The following NRXN1 variants were observed in gnomAD, a reference collection of about 807,000 sequenced individuals.
NRXN1 encodes neurexin 1, also known as neurexin-1.
A neutral mutation model predicts 150.9 loss-of-function variants in NRXN1; 39 were observed. That is an observed-to-expected ratio of 0.26 (90% CI 0.20 to 0.34). The LOEUF (loss-of-function observed/expected upper bound fraction) is 0.34, where lower values mean the gene tolerates loss of function less well. Among genes scored for constraint, NRXN1 ranks in the 10% least tolerant of loss-of-function variants. The pLI, the probability that NRXN1 is intolerant of heterozygous loss-of-function variation, is 1.00. For synonymous variants in NRXN1, 924 were observed against 757.0 expected, an observed-to-expected ratio of 1.22 and a Z score of -3.62; for missense variants, 1,815 against 1,949.9, an observed-to-expected ratio of 0.93 and a Z score of 1.30.
In NRXN1 at chr2:50,436,251, C is replaced by T. The variant is rs761953307; in HGVS notation, c.3364+29191G>A. 1.9e-4 allele frequency among the ~76,000 whole-genome samples: 29 copies of T among 151,970 alleles called. 1 individual carries two copies. The highest frequency in any genetic ancestry group is 1.2e-3 in the Admixed American group (19 of 15,250). ...GGCAGATCACCAGAGGTCGGGAGTT[C>T]GACACCAGCCTGACCAACATGGAAA... is the stretch of plus-strand genomic sequence containing the variant. On this transcript the variant is annotated intron_variant, in intron 17 of 22. Transcript: ENST00000401669.
chr2:50,625,905 T>TAAAACA (rs891303586), intron 5 of NRXN1, among the ~76,000 whole-genome samples: 1 of 152,034 alleles, frequency 6.6e-6, no homozygotes, highest in African/African-American at 2.4e-5. Flanking sequence ...ATAAATCATC[T>TAAAACA]AAAACAAACA....
intron 2 of NRXN1, among the ~76,000 whole-genome samples, chr2:50,946,866 C>A (rs1690474876): frequency 6.6e-6 from 1 of 152,088 alleles, no homozygotes; most frequent in African/African-American, 2.4e-5. Context: ...CTATTAAATC[C>A]AAACATTTGT....
chr2:50,116,878 C>A (rs529533472), intron 18 of NRXN1, among the ~76,000 whole-genome samples: 1 of 152,084 alleles, frequency 6.6e-6, no homozygotes, highest in Admixed American at 6.6e-5. Flanking sequence ...TGACTTGATG[C>A]TGCTGTTTTC....
intron 18 of NRXN1, among the ~76,000 whole-genome samples, chr2:50,170,304 TTTG>T (rs1166312917): frequency 6.6e-6 from 1 of 151,996 alleles, no homozygotes; most frequent in Non-Finnish European, 1.5e-5. Flanking sequence ...TTTGTTTTGT[TTTG>T]TTTTTTTTGA....
chr2:50,996,446 T>G (rs1451380806), intron 2 of NRXN1, among the ~76,000 whole-genome samples: 1 of 152,072 alleles, frequency 6.6e-6, no homozygotes, highest in Non-Finnish European at 1.5e-5. Context: ...AACTTTTACA[T>G]GTATGTATGT....
intron 8 of NRXN1, among the ~76,000 whole-genome samples, chr2:50,571,662 T>C (rs1378139004): frequency 6.6e-6 from 1 of 152,060 alleles, no homozygotes. Context: ...CAAATAATAT[T>C]TAAAAACTGT....
chr2:50,061,464 T>C (rs1385829040), intron 19 of NRXN1, among the ~76,000 whole-genome samples: 1 of 152,220 alleles, frequency 6.6e-6, no homozygotes, highest in Non-Finnish European at 1.5e-5. Flanking sequence ...GGAATGTCCC[T>C]GAAAATTCAA....
Position 49,919,203 on chromosome 2 carries a change from A to T in NRXN1, c.*2741T>A, listed in dbSNP as rs1470348408. On this transcript the variant is annotated 3_prime_UTR_variant, in exon 23 of 23. Coordinates refer to ENST00000401669, the MANE Select transcript of NRXN1 (RefSeq NM_001330078.2). ...TCGTGTGAAATCCTCAATCAACTGC[A>T]AACTATGCAGGGAACCCTGATATGT... is the stretch of plus-strand genomic sequence containing the variant. 6.6e-6 allele frequency: 1 copy of T among 152,172 alleles called. No individual in the cohort carries two copies. Among genetic ancestry groups the T allele is most frequent in the African/African-American group, 2.4e-5 (1 of 41,470 alleles). 9.4% of individuals were successfully genotyped at this position (152,172 alleles called of 1,614,324 possible).
rs549626174 is a variant in NRXN1, at chr2:50,544,829, G to T, written c.1760-6193C>A. On this transcript the variant is annotated intron_variant, in intron 9 of 22. Transcript: ENST00000401669. ...TATAAACTAGTTTAAAACAGTGAAG[G>T]TTTAAAAAAGTAAAAATTCAAATGT... 3.9e-5 allele frequency among the ~76,000 whole-genome samples: 6 copies of T among 152,128 alleles called. No individual in the cohort carries two copies. In the South Asian group the frequency reaches 6.2e-4, roughly 16 times the overall value.
intron 15 of NRXN1, among the ~76,000 whole-genome samples, chr2:50,486,736 A>T (rs115751907): frequency 0.011 from 1,631 of 152,224 alleles, 31 homozygotes; most frequent in African/African-American, 0.036. Context: ...CTAACATCAT[A>T]CTAGTCAACC....
intron 21 of NRXN1, among the ~76,000 whole-genome samples, chr2:49,989,998 C>T (rs149444677): frequency 1.0e-3 from 157 of 152,088 alleles, no homozygotes; most frequent in African/African-American, 3.6e-3. Context: ...GGGCTCCAGG[C>T]CAGCTTCTAA....
chr2:50,826,123 A>G (rs1670416846), intron 5 of NRXN1, among the ~76,000 whole-genome samples: 1 of 152,116 alleles, frequency 6.6e-6, no homozygotes, highest in Admixed American at 6.5e-5. Flanking sequence ...AAACCAGAAG[A>G]TGTGGTTGAG....
chr2:50,244,997 A>G (rs542514668), intron 17 of NRXN1, among the ~76,000 whole-genome samples: 20 of 151,992 alleles, frequency 1.3e-4, no homozygotes, highest in Non-Finnish European at 2.4e-4. Flanking sequence ...ATAGTTGAGT[A>G]GTTTGAAATA....
chr2:50,445,028 A>G (rs1425500181), intron 17 of NRXN1, among the ~76,000 whole-genome samples: 1 of 152,170 alleles, frequency 6.6e-6, no homozygotes, highest in Non-Finnish European at 1.5e-5. Context: ...TGCAGGAAGC[A>G]CTGTGCCCGT....
At chr2:50,213,571 C>G (rs561538865) in intron 18 of NRXN1, among the ~76,000 whole-genome samples, 1 of 151,940 alleles carries the variant, frequency 6.6e-6, no homozygotes, top group African/African-American at 2.4e-5. Flanking sequence ...CTTAATCTTT[C>G]CACACTCTAC....
chr2:50,351,556 T>C (rs1215920078), intron 17 of NRXN1, among the ~76,000 whole-genome samples: 2 of 152,190 alleles, frequency 1.3e-5, no homozygotes, highest in Admixed American at 6.5e-5. Flanking sequence ...AACTAAATTT[T>C]ACCTGAACAC....
Position 50,929,831 on chromosome 2 carries a change from T to A in NRXN1, c.773-3876A>T, listed in dbSNP as rs527589996. Among the ~76,000 whole-genome samples the A allele has an allele frequency of 5.3e-5, 8 of 152,202 alleles. No individual in the cohort carries two copies. The East Asian group carries it at 1.6e-3, about 30-fold the overall frequency. On this transcript the variant is annotated intron_variant, in intron 2 of 22. Transcript: ENST00000401669. ...TGGCACAGGATGGAGCTTTGTTTTT[T>A]CTTTTGGTATTAGCAGTGAAAGCCT...
chr2:50,937,260 G>C (rs1189372215), intron 2 of NRXN1, among the ~76,000 whole-genome samples: 1 of 151,998 alleles, frequency 6.6e-6, no homozygotes, highest in Non-Finnish European at 1.5e-5. Context: ...CAAATCACAG[G>C]CTGCTTAAGA....
intron 21 of NRXN1, chr2:50,023,495 A>T (rs1558714627): frequency 6.6e-6 from 1 of 152,096 alleles, no homozygotes; most frequent in East Asian, 1.9e-4. Flanking sequence ...CTGGTGACCT[A>T]TGACAGCTTT....
Sources: allele counts gnomAD v4.1 joint callset (sites outside exome capture counted in the v4.1 genomes callset), GRCh38; gene constraint gnomAD v4.1.1; transcripts MANE v1.5; gene names NCBI Gene and HGNC (gene_info 2026-07-23, HGNC 2026-07-21).